CPNE8: variants seen among roughly 807,000 people sequenced by gnomAD.
The protein encoded by CPNE8 is copine-8.
Under a neutral mutation model 81.5 loss-of-function variants are expected in CPNE8, and 45 were observed. The ratio of observed to expected loss-of-function variants is 0.55; its 90% CI spans 0.44 to 0.71. CPNE8 has a LOEUF of 0.71. Ranked by LOEUF, CPNE8 falls within the 30% of genes least tolerant of loss-of-function variation. The pLI is 0.00. For synonymous variants in CPNE8, 252 were observed against 226.3 expected (o/e 1.11, Z -1.02); for missense variants, 594 against 672.1 (o/e 0.88, Z 1.28).
intron 13 of CPNE8, among the ~76,000 whole-genome samples, chr12:38,706,741 CTT>C (rs1940116950): frequency 6.6e-6 from 1 of 152,198 alleles, no homozygotes. Flanking sequence ...TCAACTCTCT[CTT>C]GCAACAGTGT....
intron 10 of CPNE8, among the ~76,000 whole-genome samples, chr12:38,741,080 C>A (rs1157896702): frequency 1.3e-5 from 2 of 152,068 alleles, no homozygotes; most frequent in Non-Finnish European, 2.9e-5. Flanking sequence ...TAGGAAGAAT[C>A]AATATCATGA....
At chr12:38,870,925 T>C (rs1340625239) in intron 3 of CPNE8, among the ~76,000 whole-genome samples, 1 of 152,074 alleles carries the variant, frequency 6.6e-6, no homozygotes, top group Non-Finnish European at 1.5e-5. Flanking sequence ...CTGTGTTTCA[T>C]TTTTCTCATG....
chr12:38,765,521 CA>C (rs1246023955), intron 8 of CPNE8, among the ~76,000 whole-genome samples: 4 of 151,940 alleles, frequency 2.6e-5, no homozygotes, highest in African/African-American at 4.8e-5. Context: ...AAATAAGCCA[CA>C]AATACACTAG....
At chr12:38,850,966 C>T (rs147525372) in intron 3 of CPNE8, among the ~76,000 whole-genome samples, 87 of 152,246 alleles carry the variant, frequency 5.7e-4, no homozygotes, top group African/African-American at 1.6e-3. Flanking sequence ...ATGAGGGCAC[C>T]TTTCTCATGA....
chr12:38,886,978 G>A (rs1944246350), intron 1 of CPNE8, among the ~76,000 whole-genome samples: 1 of 152,090 alleles, frequency 6.6e-6, no homozygotes, highest in African/African-American at 2.4e-5. Flanking sequence ...GGGAGTCTTT[G>A]GTAAGGAGGA....
At chr12:38,660,046 A>C (rs1206146445) in intron 19 of CPNE8, among the ~76,000 whole-genome samples, 1 of 152,238 alleles carries the variant, frequency 6.6e-6, no homozygotes, top group African/African-American at 2.4e-5. Flanking sequence ...TGCCCAAGGC[A>C]ATTTATAGAT....
intron 6 of CPNE8, among the ~76,000 whole-genome samples, chr12:38,808,787 A>C (rs145636448): frequency 2.0e-3 from 300 of 151,770 alleles, no homozygotes; most frequent in African/African-American, 6.7e-3. Context: ...AGACTATATA[A>C]AAAAATGCTT....
chr12:38,789,204 C>T (rs1229657804), intron 6 of CPNE8, among the ~76,000 whole-genome samples: 3 of 151,842 alleles, frequency 2.0e-5, no homozygotes, highest in Non-Finnish European at 2.9e-5. Flanking sequence ...TTGAATTATA[C>T]TACAGACCTA....
intron 3 of CPNE8, among the ~76,000 whole-genome samples, chr12:38,854,053 A>G (rs911660829): frequency 2.0e-5 from 3 of 152,040 alleles, no homozygotes; most frequent in Admixed American, 2.0e-4. Flanking sequence ...ATACAGCCAC[A>G]CTTTCCAGAG....
Position 38,874,466 on chromosome 12 carries a change from C to G in CPNE8, c.139+5G>C, listed in dbSNP as rs1462111568. 6.2e-7 allele frequency: 1 copy of G among 1,600,494 alleles called. No individual in the cohort carries two copies. The highest frequency in any genetic ancestry group is 1.7e-5 in the Admixed American group (1 of 59,446). On this transcript the variant is annotated splice_donor_5th_base_variant and intron_variant, in intron 2 of 19. Coordinates refer to ENST00000331366, the MANE Select transcript of CPNE8 (RefSeq NM_153634.3). ...TTTTTCAAAAGGCAAGCAATACATA[C>G]TTACTTGGATCAGATTTAGAAAATG...
chr12:38,794,455 T>A (rs775833302), intron 6 of CPNE8, among the ~76,000 whole-genome samples: 2 of 152,000 alleles, frequency 1.3e-5, no homozygotes, highest in African/African-American at 4.8e-5. Flanking sequence ...AAGAGCTGCA[T>A]AAAGAACTCC....
intron 3 of CPNE8, among the ~76,000 whole-genome samples, chr12:38,865,564 C>G (rs1943902171): frequency 1.3e-5 from 2 of 152,146 alleles, no homozygotes; most frequent in African/African-American, 4.8e-5. Flanking sequence ...ATGGGCAAAA[C>G]TATTCTATAG....
At chr12:38,793,352 A>ACACG (rs1353067903) in intron 6 of CPNE8, among the ~76,000 whole-genome samples, 12 of 151,782 alleles carry the variant, frequency 7.9e-5, no homozygotes, top group African/African-American at 2.7e-4. Flanking sequence ...ACACACACAC[A>ACACG]CACTGTTAGA....
At chr12:38,656,894 G>C (rs1938833414) in intron 19 of CPNE8, among the ~76,000 whole-genome samples, 1 of 152,156 alleles carries the variant, frequency 6.6e-6, no homozygotes, top group African/African-American at 2.4e-5. Context: ...TTGGGACCAA[G>C]CCTTTCAGGT....
intron 6 of CPNE8, among the ~76,000 whole-genome samples, chr12:38,823,725 A>G (rs1319968220): frequency 6.6e-6 from 1 of 152,094 alleles, no homozygotes. Flanking sequence ...CATAATAAAT[A>G]TTTTCCTCCC....
chr12:38,673,285 C>G (rs1939220072), intron 18 of CPNE8, among the ~76,000 whole-genome samples: 1 of 152,102 alleles, frequency 6.6e-6, no homozygotes. Flanking sequence ...TTATAAATTA[C>G]CCAGTCTCAT....
intron 6 of CPNE8, among the ~76,000 whole-genome samples, chr12:38,828,211 C>A (rs144598950): frequency 4.5e-4 from 69 of 152,234 alleles, no homozygotes; most frequent in African/African-American, 1.2e-3. Flanking sequence ...ATAGGAGATG[C>A]AATTAGAATT....
At chr12:38,824,539 A>G (rs901674657) in intron 6 of CPNE8, among the ~76,000 whole-genome samples, 24 of 151,576 alleles carry the variant, frequency 1.6e-4, no homozygotes, top group African/African-American at 4.4e-4. Flanking sequence ...ATCTTATCAG[A>G]AAATAATTTA....
At chr12:38,718,680 A>T (rs539371390) in intron 13 of CPNE8, among the ~76,000 whole-genome samples, 2 of 152,194 alleles carry the variant, frequency 1.3e-5, no homozygotes, top group African/African-American at 4.8e-5. Context: ...ATCCAATAAC[A>T]TTATTTCTAG....
Sources: gnomAD v4.1 joint callset for allele counts (sites outside exome capture counted in the v4.1 genomes callset) on GRCh38, gnomAD v4.1.1 for gene constraint, MANE v1.5 for transcripts, NCBI Gene and HGNC (gene_info 2026-07-23, HGNC 2026-07-21) for gene names.